The following IGSF3 variants were observed in gnomAD, a reference collection of about 807,000 sequenced individuals.
IGSF3 encodes immunoglobulin superfamily member 3.
IGSF3 carries 23 observed loss-of-function variants against 114.4 expected under a neutral mutation model. The ratio of observed to expected loss-of-function variants is 0.20; its 90% CI spans 0.14 to 0.28. IGSF3 has a LOEUF of 0.28. Ranked by LOEUF, IGSF3 falls within the 10% of genes least tolerant of loss-of-function variation. IGSF3 has a pLI of 1.00. For synonymous variants in IGSF3, 571 were observed against 645.2 expected (o/e 0.88, Z 1.74); for missense variants, 1,172 against 1,591.5 (o/e 0.74, Z 4.48).
At chr1:116,622,362 A>G (rs1661450785) in intron 2 of IGSF3, among the ~76,000 whole-genome samples, 1 of 152,218 alleles carries the variant, frequency 6.6e-6, no homozygotes, top group South Asian at 2.1e-4. Context: ...CCAAGGTGAG[A>G]TATCAATATA....
At position 116,598,754 on chromosome 1, in the gene IGSF3, G is replaced by A. The variant is rs1240553186; in HGVS notation, c.2029+1187C>T. Reference sequence around the variant, plus strand: ...CTGTTCCAGCCGAGGCATGGGCTGGGCGAGGGAAGGAACACGGGAGCCTAC... The same window carrying A: ...CTGTTCCAGCCGAGGCATGGGCTGGACGAGGGAAGGAACACGGGAGCCTAC... On this transcript the variant is annotated intron_variant, in intron 7 of 10. Transcript: ENST00000369486. This position sits in a 1 kb window ranked among gnomAD's most constrained non-coding sequence, Gnocchi z 4.3. Among the ~76,000 whole-genome samples the A allele has an allele frequency of 6.6e-6, 1 of 152,188 alleles. No individual in the cohort carries two copies. The highest frequency in any genetic ancestry group is 1.5e-5 in the Non-Finnish European group (1 of 68,030).
Position 116,612,247 on chromosome 1 carries a change from T to C in IGSF3, c.832+1518A>G, listed in dbSNP as rs921754721. 6.6e-6 allele frequency among the ~76,000 whole-genome samples: 1 copy of C among 152,184 alleles called. No homozygotes were observed. The highest frequency in any genetic ancestry group is 1.5e-5 in the Non-Finnish European group (1 of 68,018). On this transcript the variant is annotated intron_variant, in intron 4 of 10. Transcript: ENST00000369486. The surrounding 1 kb of genome is among the most constrained non-coding windows in gnomAD (Gnocchi z 4.1). ...TAAATATAAAATAAAGCCCCTTGGA[T>C]AGATTTTTTAATATTGAAAGATCCA... is the stretch of plus-strand genomic sequence containing the variant.
intron 6 of IGSF3, among the ~76,000 whole-genome samples, chr1:116,602,224 C>G (rs1660620674): frequency 6.6e-6 from 1 of 152,134 alleles, no homozygotes; most frequent in South Asian, 2.1e-4. Context: ...CCTCAGTGCC[C>G]CTGGCTGTGA....
intron 2 of IGSF3, among the ~76,000 whole-genome samples, chr1:116,623,296 T>C (rs1296973602): frequency 6.6e-6 from 1 of 152,196 alleles, no homozygotes; most frequent in Non-Finnish European, 1.5e-5. Context: ...AGCTTTAACC[T>C]TGCAACAGCC....
chr1:116,662,956 C>A lies in IGSF3; in HGVS notation c.43+3328G>T, dbSNP rs1649173795. On this transcript the variant is annotated intron_variant, in intron 2 of 10. Coordinates refer to ENST00000369486, the MANE Select transcript of IGSF3 (RefSeq NM_001007237.3). This position sits in a 1 kb window ranked among gnomAD's most constrained non-coding sequence, Gnocchi z 4.3. ...TAACTAACTGGGAAGTAAGAGATGG[C>A]TTCCTCAGCCTTACCGTATTCAAAG... is the stretch of plus-strand genomic sequence containing the variant. Among the ~76,000 whole-genome samples the A allele has an allele frequency of 6.6e-6, 1 of 152,190 alleles. No individual in the cohort carries two copies. Among genetic ancestry groups the A allele is most frequent in the African/African-American group, 2.4e-5 (1 of 41,446 alleles).
chr1:116,625,575 G>A lies in IGSF3; in HGVS notation c.44-9118C>T, dbSNP rs1315117698. ...GCCTAACAGAGGTAAGGAAGAAGAC[G>A]GATCAGATTTACGCTTTCGAATTAT... On this transcript the variant is annotated intron_variant, in intron 2 of 10. Coordinates refer to ENST00000369486, the MANE Select transcript of IGSF3 (RefSeq NM_001007237.3). This position sits in a 1 kb window ranked among gnomAD's most constrained non-coding sequence, Gnocchi z 4.7. Among the ~76,000 whole-genome samples, 7 of 152,206 alleles carry A rather than the reference G, an allele frequency of 4.6e-5. No homozygotes were observed. The highest frequency in any genetic ancestry group is 2.1e-4 in the South Asian group (1 of 4,834).
Position 116,615,659 on chromosome 1 carries a change from T to A in IGSF3, c.421+421A>T, listed in dbSNP as rs1389138188. Among the ~76,000 whole-genome samples, 1 of 152,226 alleles carries A rather than the reference T, an allele frequency of 6.6e-6. No homozygotes were observed. The highest frequency in any genetic ancestry group is 1.5e-5 in the Non-Finnish European group (1 of 68,038). On this transcript the variant is annotated intron_variant, in intron 3 of 10. Coordinates refer to ENST00000369486, the MANE Select transcript of IGSF3 (RefSeq NM_001007237.3). This position sits in a 1 kb window ranked among gnomAD's most constrained non-coding sequence, Gnocchi z 4.3. Reference sequence around the variant, plus strand: ...GTCTGAGCAAGGACCCACAGCCACATGTGCTTCCTGCTTCAGCAGTGCCCC... The same window carrying A: ...GTCTGAGCAAGGACCCACAGCCACAAGTGCTTCCTGCTTCAGCAGTGCCCC...
At position 116,588,903 on chromosome 1, in the gene IGSF3, T is replaced by TATTCA. The variant is rs1270759117; in HGVS notation, c.2230_2231insTGAAT (p.Tyr744LeufsTer9). 6.2e-7 allele frequency: 1 copy of TATTCA among 1,613,988 alleles called. No homozygotes were observed. The highest frequency in any genetic ancestry group is 1.3e-5 in the African/African-American group (1 of 74,878). On this transcript the variant is annotated frameshift_variant, in exon 8 of 11. Transcript: ENST00000369486. LOFTEE classifies it high-confidence loss of function. This position sits in a 1 kb window ranked among gnomAD's most constrained non-coding sequence, Gnocchi z 4.9. ...GGCTCTCAGGCCCTCCTCCTCGGCG[T>TATTCA]AAGTACCGTATTCAAAGGCGGAGTT...
At position 116,649,346 on chromosome 1, in the gene IGSF3, C is replaced by A. The variant is rs1027720614; in HGVS notation, c.43+16938G>T. The stretch of plus-strand genomic sequence containing the variant: ...GAGGCTGGAAAATCTGGAGTATGTG[C>A]ATGTCTAGTGAGTTGCCTCTACCAC... On this transcript the variant is annotated intron_variant, in intron 2 of 10. Transcript: ENST00000369486. This position sits in a 1 kb window ranked among gnomAD's most constrained non-coding sequence, Gnocchi z 4.5. 7.2e-5 allele frequency among the ~76,000 whole-genome samples: 11 copies of A among 152,250 alleles called. No individual in the cohort carries two copies. Among genetic ancestry groups the A allele is most frequent in the African/African-American group, 2.7e-4 (11 of 41,466 alleles).
At chr1:116,609,227 A>C (rs1660918856) in intron 4 of IGSF3, among the ~76,000 whole-genome samples, 1 of 151,892 alleles carries the variant, frequency 6.6e-6, no homozygotes, top group African/African-American at 2.4e-5. Flanking sequence ...CCTAAGATCT[A>C]GGTGTTTTTT....
Position 116,598,686 on chromosome 1 carries a change from C to T in IGSF3, c.2029+1255G>A, listed in dbSNP as rs1374417585. 1.3e-5 allele frequency among the ~76,000 whole-genome samples: 2 copies of T among 152,206 alleles called. No homozygotes were observed. The highest frequency in any genetic ancestry group is 4.8e-5 in the African/African-American group (2 of 41,460). On this transcript the variant is annotated intron_variant, in intron 7 of 10. Coordinates refer to ENST00000369486, the MANE Select transcript of IGSF3 (RefSeq NM_001007237.3). This position sits in a 1 kb window ranked among gnomAD's most constrained non-coding sequence, Gnocchi z 4.3. ...AATCCCTTTGGCAAGGCGTTCCAGCCATCTTTGCAAAGTCAAACCCTTGCC... is the reference window on the plus strand; with the variant it reads ...AATCCCTTTGGCAAGGCGTTCCAGCTATCTTTGCAAAGTCAAACCCTTGCC...
At position 116,636,102 on chromosome 1, in the gene IGSF3, C is replaced by T. The variant is rs1178369662; in HGVS notation, c.44-19645G>A. ...TCCTCACAGGTGCCAGCCATCACCC[C>T]GACCACACCCTCTCAAAAGGCCTTT... On this transcript the variant is annotated intron_variant, in intron 2 of 10. Coordinates refer to ENST00000369486, the MANE Select transcript of IGSF3 (RefSeq NM_001007237.3). This position sits in a 1 kb window ranked among gnomAD's most constrained non-coding sequence, Gnocchi z 4.5. 6.6e-6 allele frequency among the ~76,000 whole-genome samples: 1 copy of T among 152,202 alleles called. No homozygotes were observed. Among genetic ancestry groups the T allele is most frequent in the East Asian group, 1.9e-4 (1 of 5,198 alleles).
In IGSF3 at chr1:116,638,061, A is replaced by G. The variant is rs1647916666; in HGVS notation, c.44-21604T>C. Among the ~76,000 whole-genome samples the G allele has an allele frequency of 6.6e-6, 1 of 152,146 alleles. No individual in the cohort carries two copies. The highest frequency in any genetic ancestry group is 1.5e-5 in the Non-Finnish European group (1 of 68,030). ...AGTAACTATACTCAATAAACACACC[A>G]ACTTTGATGCCAAATCCCATGCCAT... On this transcript the variant is annotated intron_variant, in intron 2 of 10. Transcript: ENST00000369486. This position sits in a 1 kb window ranked among gnomAD's most constrained non-coding sequence, Gnocchi z 4.1.
chr1:116,625,386 T>C lies in IGSF3; in HGVS notation c.44-8929A>G, dbSNP rs551606991. ...GGTCCCAAAGCACAAGGGAAATATA[T>C]ACCACGTGAAAACACTGCAGTGCAT... On this transcript the variant is annotated intron_variant, in intron 2 of 10. Coordinates refer to ENST00000369486, the MANE Select transcript of IGSF3 (RefSeq NM_001007237.3). The surrounding 1 kb of genome is among the most constrained non-coding windows in gnomAD (Gnocchi z 4.7). 6.6e-6 allele frequency among the ~76,000 whole-genome samples: 1 copy of C among 152,342 alleles called. No individual in the cohort carries two copies. The highest frequency in any genetic ancestry group is 2.4e-5 in the African/African-American group (1 of 41,580).
chr1:116,578,020 G>C, intron 10 of IGSF3, among the ~76,000 whole-genome samples: 1 of 152,158 alleles, frequency 6.6e-6, no homozygotes, highest in East Asian at 1.9e-4. Context: ...AGTTTTACCA[G>C]AAATGACACT....
In IGSF3 at chr1:116,585,767, C is replaced by T. The variant is rs1659818171; in HGVS notation, c.2441-715G>A. On this transcript the variant is annotated intron_variant, in intron 8 of 10. Coordinates refer to ENST00000369486, the MANE Select transcript of IGSF3 (RefSeq NM_001007237.3). This position sits in a 1 kb window ranked among gnomAD's most constrained non-coding sequence, Gnocchi z 4.9. ...TGAAACCCCATCTCTACTAAAAATA[C>T]AAAAATTAGCCAGGTGTGGTGGTGT... Among the ~76,000 whole-genome samples, 1 of 151,990 alleles carries T rather than the reference C, an allele frequency of 6.6e-6. No homozygotes were observed. The highest frequency in any genetic ancestry group is 2.1e-4 in the South Asian group (1 of 4,830).
chr1:116,642,718 C>T lies in IGSF3; in HGVS notation c.43+23566G>A, dbSNP rs1459861285. Among the ~76,000 whole-genome samples, 2 of 152,236 alleles carry T rather than the reference C, an allele frequency of 1.3e-5. No homozygotes were observed. The highest frequency in any genetic ancestry group is 2.9e-5 in the Non-Finnish European group (2 of 68,046). On this transcript the variant is annotated intron_variant, in intron 2 of 10. Transcript: ENST00000369486. This position sits in a 1 kb window ranked among gnomAD's most constrained non-coding sequence, Gnocchi z 5.4. ...AGAGCTTGGCTGCCAGCAGGTGCAG[C>T]GCTGCCCTGGGATACCAGCTCCTGG...
chr1:116,579,980 TATAAG>T lies in IGSF3; in HGVS notation c.2849-108_2849-104del. Reference sequence around the variant, plus strand: ...AAACACATGATAGTAACATCCATACTATAAGATATTATGCACCTATTGAAAAGGCA... The same window carrying T: ...AAACACATGATAGTAACATCCATACTATATTATGCACCTATTGAAAAGGCA... On this transcript the variant is annotated intron_variant, in intron 9 of 10. Transcript: ENST00000369486. This position sits in a 1 kb window ranked among gnomAD's most constrained non-coding sequence, Gnocchi z 6.4. 9.7e-7 allele frequency: 1 copy of T among 1,029,172 alleles called. No individual in the cohort carries two copies. Among genetic ancestry groups the T allele is most frequent in the Non-Finnish European group, 1.4e-6 (1 of 726,124 alleles). The allele number at this position is 1,029,172 out of a possible 1,614,324, so 63.8% of individuals were successfully genotyped here. A position where few individuals can be genotyped will look rare whatever the true frequency, so the allele number is the denominator to read the frequency against.
In IGSF3 at chr1:116,662,163, T is replaced by G. The variant is rs931950754; in HGVS notation, c.43+4121A>C. Among the ~76,000 whole-genome samples, 1 of 151,902 alleles carries G rather than the reference T, an allele frequency of 6.6e-6. No individual in the cohort carries two copies. The highest frequency in any genetic ancestry group is 1.5e-5 in the Non-Finnish European group (1 of 67,950). On this transcript the variant is annotated intron_variant, in intron 2 of 10. Coordinates refer to ENST00000369486, the MANE Select transcript of IGSF3 (RefSeq NM_001007237.3). This position sits in a 1 kb window ranked among gnomAD's most constrained non-coding sequence, Gnocchi z 4.3. ...TCGGCTCACTGCAACCTCTGCCTCC[T>G]GGGTTCAAGCGATTCTCCTGCCTCA... is the stretch of plus-strand genomic sequence containing the variant.
Sources: gnomAD v4.1 joint callset for allele counts (sites outside exome capture counted in the v4.1 genomes callset) on GRCh38, gnomAD v4.1.1 for gene constraint, Gnocchi (gnomAD v3.1) non-coding constraint, MANE v1.5 for transcripts, NCBI Gene and HGNC (gene_info 2026-07-23, HGNC 2026-07-21) for gene names.